Variants in MED13 observed in about 807,000 individuals in gnomAD.
MED13 encodes mediator of RNA polymerase II transcription subunit 13.
A neutral mutation model predicts 225.2 loss-of-function variants in MED13; 23 were observed. The ratio of observed to expected loss-of-function variants is 0.10; its 90% CI spans 0.07 to 0.14. The LOEUF is 0.14. MED13 is among the 10% of genes least tolerant of loss of function. The pLI is 1.00. For synonymous variants in MED13, 942 were observed against 889.2 expected, an observed-to-expected ratio of 1.06 and a Z score of -1.06; for missense variants, 2,197 against 2,594.5, an observed-to-expected ratio of 0.85 and a Z score of 3.33.
intron 9 of MED13, chr17:62,003,962 A>T (rs2080422037): frequency 1.3e-5 from 2 of 152,244 alleles, no homozygotes; most frequent in Non-Finnish European, 2.9e-5. Flanking sequence ...ACTTACAGAT[A>T]GTCATGTACA....
At chr17:62,065,079 A>C in intron 1 of MED13, 61 bp downstream of exon 1, 3 of 1,412,608 alleles carry the variant, frequency 2.1e-6, no homozygotes, top group Non-Finnish European at 2.9e-6. Flanking sequence ...CCCCTCCCCC[A>C]CGGCCCAAGG....
intron 8 of MED13, among the ~76,000 whole-genome samples, chr17:62,023,779 A>G (rs555254282): frequency 5.3e-4 from 80 of 152,358 alleles, no homozygotes; most frequent in African/African-American, 1.8e-3. Context: ...AAGAGGATAC[A>G]CATGTAGTAG....
chr17:61,945,848 C>G lies in MED13; in HGVS notation c.*620G>C, dbSNP rs2079848082. On this transcript the variant is annotated 3_prime_UTR_variant, in exon 30 of 30. Coordinates refer to ENST00000397786, the MANE Select transcript of MED13 (RefSeq NM_005121.3). ...ACAAATTTACTGTCCCACCCACCCC[C>G]TTACAAAAAAATAATACTCTAAAAG... The G allele has an allele frequency of 6.6e-6, 1 of 152,514 alleles. No individual in the cohort carries two copies. The allele number at this position is 152,514 out of a possible 1,614,324, so 9.4% of individuals were successfully genotyped here.
chr17:62,029,868 C>G lies in MED13; in HGVS notation c.1155G>C (p.Met385Ile), dbSNP rs1262354812. 1.9e-6 allele frequency: 3 copies of G among 1,610,382 alleles called. No individual in the cohort carries two copies. The highest frequency in any genetic ancestry group is 2.5e-6 in the Non-Finnish European group (3 of 1,179,050). The change falls in exon 7 of 30, where the codon ATG becomes ATC. Residue 385 changes from methionine to isoleucine, a missense_variant. Met to Ile is a conservative substitution (Grantham distance 10, BLOSUM62 1). Transcript: ENST00000397786. ...VVDRVWQECNMNRAQNKRKYS... is the reference protein window; with the variant it reads ...VVDRVWQECNINRAQNKRKYS... ...ATACACACTTGTTCTGTGCTCTGTT[C>G]ATATTGCATTCTTGCCAAACTCTAT...
chr17:61,966,473 C>G lies in MED13; in HGVS notation c.4370G>C (p.Arg1457Thr). ...TACAAATTCAATACCTAGGTCATAT[C>G]TGCAGACTTGTGCATAAAGCTTGAG... ...SKLKLYAQVCRYDLGPYLASL... is the reference protein window; with the variant it reads ...SKLKLYAQVCTYDLGPYLASL... Residue 1457 changes from arginine to threonine, a missense_variant, in exon 19 of 30, where the codon AGA (arginine) becomes ACA (threonine). Coordinates refer to ENST00000397786, the MANE Select transcript of MED13 (RefSeq NM_005121.3). 6.2e-7 allele frequency: 1 copy of G among 1,611,994 alleles called. No individual in the cohort carries two copies. Among genetic ancestry groups the G allele is most frequent in the Non-Finnish European group, 8.5e-7 (1 of 1,179,040 alleles).
At chr17:62,015,743 TTA>T (rs1054906639) in intron 8 of MED13, among the ~76,000 whole-genome samples, 1 of 142,170 alleles carries the variant, frequency 7.0e-6, no homozygotes, top group African/African-American at 2.6e-5. Context: ...CAGTCTAATT[TTA>T]TATATATATA....
At chr17:61,971,580 C>G (rs1169023426) in intron 17 of MED13, among the ~76,000 whole-genome samples, 1 of 152,126 alleles carries the variant, frequency 6.6e-6, no homozygotes, top group Non-Finnish European at 1.5e-5. Context: ...AGATTACAGG[C>G]GTGAGCCACC....
Position 62,029,527 on chromosome 17 carries a change from G to T in MED13, c.1283+14C>A. On this transcript the variant is annotated intron_variant, in intron 8 of 29. Transcript: ENST00000397786. The stretch of plus-strand genomic sequence containing the variant: ...TATCACACATAGGCATCAATCGATC[G>T]GGAAATAATCTACCTCAAACAACTG... 1 of 1,599,292 alleles carries T rather than the reference G, an allele frequency of 6.3e-7. No individual in the cohort carries two copies. The highest frequency in any genetic ancestry group is 8.6e-7 in the Non-Finnish European group (1 of 1,166,920).
At chr17:61,956,225 T>C in intron 24 of MED13, 114 bp downstream of exon 24, 1 of 1,038,914 alleles carries the variant, frequency 9.6e-7, no homozygotes, top group Non-Finnish European at 1.4e-6. Context: ...CATATGTGGT[T>C]CCTTATTTGA....
Position 61,943,030 on chromosome 17 carries a change from A to G in MED13, c.*3438T>C, listed in dbSNP as rs2079826488. 1 of 152,578 alleles carries G rather than the reference A, an allele frequency of 6.6e-6. No homozygotes were observed. Among genetic ancestry groups the G allele is most frequent in the Non-Finnish European group, 1.5e-5 (1 of 68,006 alleles). 9.5% of individuals were successfully genotyped at this position (152,578 alleles called of 1,614,324 possible). The stretch of plus-strand genomic sequence containing the variant: ...GGTCCCAAATCCAGTTTTTAAATTT[A>G]TACTCCACAAAAAAGAAAATACATA... On this transcript the variant is annotated 3_prime_UTR_variant, in exon 30 of 30. Coordinates refer to ENST00000397786, the MANE Select transcript of MED13 (RefSeq NM_005121.3).
intron 9 of MED13, among the ~76,000 whole-genome samples, chr17:62,000,627 C>G (rs916769009): frequency 6.6e-6 from 1 of 152,210 alleles, no homozygotes; most frequent in African/African-American, 2.4e-5. Context: ...GGTTCCTCAT[C>G]TACATACAGA....
At chr17:61,977,692 C>T (rs1263215791) in intron 16 of MED13, among the ~76,000 whole-genome samples, 2 of 152,220 alleles carry the variant, frequency 1.3e-5, no homozygotes, top group South Asian at 2.1e-4. Context: ...TTGTGATCCA[C>T]TTGCCTCGGC....
intron 17 of MED13, among the ~76,000 whole-genome samples, chr17:61,968,818 C>T (rs1032353306): frequency 6.6e-6 from 1 of 152,174 alleles, no homozygotes; most frequent in Non-Finnish European, 1.5e-5. Flanking sequence ...GTGGAACAAT[C>T]ACGCCTTACT....
In MED13 at chr17:61,965,374, C is replaced by G. The variant is rs371013621; in HGVS notation, c.4476G>C (p.Gln1492His). The change falls in exon 20 of 30, where the codon CAG becomes CAC. Residue 1492 changes from glutamine to histidine, a missense_variant. Physicochemically the swap from Gln to His is conservative, Grantham distance 24. Transcript: ENST00000397786. ...TATTAGCATTTCCAGTATTTGTCAT[C>G]TGAGGTGGAGTAATCAAAGACTGAC... is the stretch of plus-strand genomic sequence containing the variant. ...PTSQSLITPP[Q>H]MTNTGNANTP... 6.2e-7 allele frequency: 1 copy of G among 1,614,142 alleles called. No individual in the cohort carries two copies. Among genetic ancestry groups the G allele is most frequent in the South Asian group, 1.1e-5 (1 of 91,082 alleles).
intron 2 of MED13, among the ~76,000 whole-genome samples, chr17:62,062,594 CACACACCACACA>C (rs975215609): frequency 2.6e-4 from 15 of 57,568 alleles, no homozygotes; most frequent in African/African-American, 1.8e-3. Flanking sequence ...CACACACACA[CACACACCACACA>C]CACACACACA....
chr17:61,973,394 A>C (rs1352078294), intron 16 of MED13, among the ~76,000 whole-genome samples: 1 of 152,236 alleles, frequency 6.6e-6, no homozygotes, highest in Non-Finnish European at 1.5e-5. Flanking sequence ...ACTGCTAAAA[A>C]GTATATTATC....
intron 11 of MED13, among the ~76,000 whole-genome samples, chr17:61,988,825 T>G (rs1263665922): frequency 3.3e-5 from 5 of 152,098 alleles, no homozygotes; most frequent in African/African-American, 1.2e-4. Flanking sequence ...TTTTTTATGT[T>G]GGGAACACTT....
chr17:62,003,004 C>T (rs1022106221), intron 9 of MED13, among the ~76,000 whole-genome samples: 7 of 152,162 alleles, frequency 4.6e-5, no homozygotes, highest in African/African-American at 1.4e-4. Flanking sequence ...GTGCCAGTAG[C>T]ACACCCCAAG....
intron 16 of MED13, among the ~76,000 whole-genome samples, chr17:61,979,694 T>C (rs2080186890): frequency 6.6e-6 from 1 of 152,186 alleles, no homozygotes; most frequent in African/African-American, 2.4e-5. Flanking sequence ...TTATGCAATT[T>C]CTCTGCTATT....
Sources: allele counts gnomAD v4.1 joint callset (sites outside exome capture counted in the v4.1 genomes callset), GRCh38; gene constraint gnomAD v4.1.1; transcripts MANE v1.5; gene names NCBI Gene and HGNC (gene_info 2026-07-23, HGNC 2026-07-21).